The following IMPG2 variants were observed in gnomAD, a reference collection of about 807,000 sequenced individuals.
IMPG2 encodes interphotoreceptor matrix proteoglycan 2.
A neutral mutation model predicts 129.2 loss-of-function variants in IMPG2; 91 were observed. The ratio of observed to expected loss-of-function variants is 0.70; its 90% CI spans 0.59 to 0.84. IMPG2 has a LOEUF of 0.84. Ranked by LOEUF, IMPG2 falls within the 40% of genes least tolerant of loss-of-function variation. IMPG2 has a pLI of 0.00. For missense variants in IMPG2, 1,430 were observed against 1,461.7 expected, an observed-to-expected ratio of 0.98 and a Z score of 0.35; for synonymous variants, 510 against 517.7, an observed-to-expected ratio of 0.99 and a Z score of 0.20.
At chr3:101,310,305 T>C (rs569339) in intron 2 of IMPG2, among the ~76,000 whole-genome samples, 109,193 of 152,066 alleles carry the variant, frequency 0.72, 40,366 homozygotes, top group East Asian at 0.84. Context: ...CTCACACCTG[T>C]AATCCCAGCA....
At chr3:101,248,905 G>C (rs1706514170) in intron 11 of IMPG2, among the ~76,000 whole-genome samples, 1 of 152,132 alleles carries the variant, frequency 6.6e-6, no homozygotes. Context: ...TGACCCCTGT[G>C]ATCTGCACCA....
In IMPG2 at chr3:101,229,470, G is replaced by A; in HGVS notation, c.3543C>T (p.Pro1181=). The A allele has an allele frequency of 6.2e-7, 1 of 1,613,444 alleles. No individual in the cohort carries two copies. Among genetic ancestry groups the A allele is most frequent in the South Asian group, 1.1e-5 (1 of 91,046 alleles). ...EKYEGPYPQH[P]FYSSASGDVI... Reference sequence around the variant, plus strand: ...CGTCTCCGCTAGCAGAGCTGTAGAAGGGATGCTGAGGATAGGGTCCCTCAT... The same window carrying A: ...CGTCTCCGCTAGCAGAGCTGTAGAAAGGATGCTGAGGATAGGGTCCCTCAT... The change falls in exon 17 of 19, where the codon CCC becomes CCT. Residue 1181 remains proline (P), a synonymous_variant. Coordinates refer to ENST00000193391, the MANE Select transcript of IMPG2 (RefSeq NM_016247.4).
intron 3 of IMPG2, among the ~76,000 whole-genome samples, chr3:101,301,157 T>C (rs1707136178): frequency 2.0e-5 from 3 of 152,204 alleles, no homozygotes; most frequent in African/African-American, 7.2e-5. Flanking sequence ...TTGTCTTACA[T>C]GGATATTGTT....
chr3:101,285,044 C>T (rs1203714925), intron 4 of IMPG2, among the ~76,000 whole-genome samples: 1 of 152,146 alleles, frequency 6.6e-6, no homozygotes, highest in Non-Finnish European at 1.5e-5. Context: ...AAACAAGTCT[C>T]ATTAAGTTTT....
chr3:101,302,128 T>C (rs990638654), intron 3 of IMPG2, among the ~76,000 whole-genome samples: 1 of 152,262 alleles, frequency 6.6e-6, no homozygotes, highest in Admixed American at 6.5e-5. Context: ...CTTGTACTTA[T>C]CATTTACAAC....
intron 14 of IMPG2, among the ~76,000 whole-genome samples, chr3:101,234,970 C>T (rs545749628): frequency 1.3e-5 from 2 of 152,208 alleles, no homozygotes; most frequent in Admixed American, 6.5e-5. Flanking sequence ...TTTGCCTTTA[C>T]ATAATGAGAT....
intron 4 of IMPG2, among the ~76,000 whole-genome samples, chr3:101,282,152 TC>T (rs1706899669): frequency 6.6e-6 from 1 of 152,166 alleles, no homozygotes; most frequent in African/African-American, 2.4e-5. Context: ...ACACATGTCA[TC>T]CCAAAGAGAA....
At chr3:101,289,383 A>G (rs527336801) in intron 4 of IMPG2, among the ~76,000 whole-genome samples, 1 of 152,308 alleles carries the variant, frequency 6.6e-6, no homozygotes, top group South Asian at 2.1e-4. Context: ...CTGCTTCTTC[A>G]TCTATCAAAT....
At chr3:101,255,174 A>G (rs546261169) in intron 10 of IMPG2, among the ~76,000 whole-genome samples, 1 of 152,118 alleles carries the variant, frequency 6.6e-6, no homozygotes, top group Non-Finnish European at 1.5e-5. Flanking sequence ...AAGGAGGATC[A>G]TATCTTTTGA....
At chr3:101,245,400 A>T (rs1169623588) in intron 12 of IMPG2, among the ~76,000 whole-genome samples, 2 of 152,172 alleles carry the variant, frequency 1.3e-5, no homozygotes. Flanking sequence ...ACTACAAGTA[A>T]AAATCTTTAG....
In IMPG2 at chr3:101,283,213, C is replaced by T. The variant is rs35205329; in HGVS notation, c.534-6500G>A. Among the ~76,000 whole-genome samples, 405 of 152,028 alleles carry T rather than the reference C, an allele frequency of 2.7e-3. 9 individuals carry two copies. In the East Asian group the frequency reaches 0.063, roughly 23 times the overall value. On this transcript the variant is annotated intron_variant, in intron 4 of 18. Transcript: ENST00000193391. ...AATTTTTTTTGTATTTTTGTAGAGACGGGATTTCACCATGTTGGCCAGGCT... is the reference window on the plus strand; with the variant it reads ...AATTTTTTTTGTATTTTTGTAGAGATGGGATTTCACCATGTTGGCCAGGCT...
Position 101,244,505 on chromosome 3 carries a change from A to G in IMPG2, c.1826T>C (p.Val609Ala). ...ACTCCATGGCCAAGTAATCAGATCT[A>G]CCTTTTGCCCAGACCCTGAACCTAA... ...GGLGSGSGQK[V>A]DLITWPWSET... The change falls in exon 13 of 19, where the codon GTA (valine) becomes GCA (alanine). Residue 609 changes from valine (V) to alanine (A), a missense_variant. Coordinates refer to ENST00000193391, the MANE Select transcript of IMPG2 (RefSeq NM_016247.4). The G allele has an allele frequency of 6.2e-7, 1 of 1,610,844 alleles. No individual in the cohort carries two copies. Among genetic ancestry groups the G allele is most frequent in the Non-Finnish European group, 8.5e-7 (1 of 1,177,774 alleles).
rs1287275265 is a variant in IMPG2, at chr3:101,242,703, G to C, written c.3007C>G (p.Leu1003Val). The change falls in exon 14 of 19, where the codon CTT (leucine) becomes GTT (valine). Residue 1003 changes from leucine (L) to valine (V), a missense_variant. Leu to Val is a conservative substitution (Grantham distance 32). Transcript: ENST00000193391. ...AATATCATACCTGATTCCACATCAA[G>C]AGAGTATTTATCAATAGCCAAGTTC... is the stretch of plus-strand genomic sequence containing the variant. Reference protein sequence around the residue: ...TMNLAIDKYSLDVESGDEANP... With the variant: ...TMNLAIDKYSVDVESGDEANP... The C allele has an allele frequency of 3.7e-6, 6 of 1,611,410 alleles. No individual in the cohort carries two copies. The highest frequency in any genetic ancestry group is 5.1e-6 in the Non-Finnish European group (6 of 1,177,730).
chr3:101,265,354 C>T (rs773060404), intron 9 of IMPG2, among the ~76,000 whole-genome samples: 11 of 152,040 alleles, frequency 7.2e-5, no homozygotes, highest in Non-Finnish European at 1.0e-4. Flanking sequence ...AACAGGCACA[C>T]GGATCAGTGG....
At chr3:101,256,217 G>GAAAGAACGAAC (rs1553682324) in intron 10 of IMPG2, among the ~76,000 whole-genome samples, 3 of 138,170 alleles carry the variant, frequency 2.2e-5, no homozygotes, top group African/African-American at 8.2e-5. Flanking sequence ...AAGAAAGAAA[G>GAAAGAACGAAC]AAAAAAATAT....
intron 8 of IMPG2, among the ~76,000 whole-genome samples, chr3:101,268,134 C>T (rs1706741310): frequency 1.3e-5 from 2 of 152,154 alleles, no homozygotes; most frequent in South Asian, 4.1e-4. Flanking sequence ...AAATAAGTTG[C>T]TGATGGCATT....
Position 101,256,217 on chromosome 3 carries a change from G to GAAAGAACGAACA in IMPG2, c.1153+1311_1153+1312insTGTTCGTTCTTT, listed in dbSNP as rs1553682324. On this transcript the variant is annotated intron_variant, in intron 10 of 18. Coordinates refer to ENST00000193391, the MANE Select transcript of IMPG2 (RefSeq NM_016247.4). ...AGAAAGAAAGAAAGAAAGAAAGAAAGAAAAAAATATCTTATTTGGGAAATA... is the reference window on the plus strand; with the variant it reads ...AGAAAGAAAGAAAGAAAGAAAGAAAGAAAGAACGAACAAAAAAAATATCTTATTTGGGAAATA... Among the ~76,000 whole-genome samples the GAAAGAACGAACA allele has an allele frequency of 3.1e-3, 427 of 138,240 alleles. 4 individuals carry two copies. The highest frequency in any genetic ancestry group is 0.011 in the African/African-American group (401 of 36,468). The allele number at this position is 138,240 out of a possible 152,430, so 90.7% of individuals were successfully genotyped here.
intron 7 of IMPG2, among the ~76,000 whole-genome samples, chr3:101,272,695 T>C (rs1477421542): frequency 6.6e-6 from 1 of 152,130 alleles, no homozygotes; most frequent in African/African-American, 2.4e-5. Context: ...GGAAAATAAA[T>C]TGTCTGGCCT....
chr3:101,259,251 G>A (rs1462079246), intron 9 of IMPG2, among the ~76,000 whole-genome samples: 1 of 152,070 alleles, frequency 6.6e-6, no homozygotes, highest in Non-Finnish European at 1.5e-5. Context: ...CCAGAGGAAA[G>A]GAGAATACTA....
Sources: gnomAD v4.1 joint callset for allele counts (sites outside exome capture counted in the v4.1 genomes callset) on GRCh38, gnomAD v4.1.1 for gene constraint, MANE v1.5 for transcripts, NCBI Gene and HGNC (gene_info 2026-07-23, HGNC 2026-07-21) for gene names.